Variants in CHLSN observed in about 807,000 individuals in gnomAD.
CHLSN encodes the protein cholesin.
the CHLSN span, among the ~76,000 whole-genome samples, chr7:1,113,776 G>A: frequency 6.6e-6 from 1 of 152,134 alleles, no homozygotes; most frequent in Admixed American, 6.5e-5. Context: ...TCCTACCCGC[G>A]GGTGCCAGCT....
At chr7:1,022,682 CAG>C in the CHLSN span, among the ~76,000 whole-genome samples, 1 of 152,136 alleles carries the variant, frequency 6.6e-6, no homozygotes, top group African/African-American at 2.4e-5. Flanking sequence ...CAGAAACACA[CAG>C]GGGATTAATT....
At chr7:1,008,803 T>C in the CHLSN span, among the ~76,000 whole-genome samples, 2 of 132,530 alleles carry the variant, frequency 1.5e-5, no homozygotes, top group Non-Finnish European at 3.2e-5. Context: ...CACACGTGTA[T>C]ACATGTACAC....
chr7:1,040,966 CAG>C, the CHLSN span, among the ~76,000 whole-genome samples: 1 of 152,274 alleles, frequency 6.6e-6, no homozygotes, highest in East Asian at 1.9e-4. Context: ...CTCCAGCTGA[CAG>C]TGCCTCCCGG....
At chr7:1,080,988 C>T in the CHLSN span, 1 of 152,618 alleles carries the variant, frequency 6.6e-6, no homozygotes, top group Non-Finnish European at 1.5e-5. Flanking sequence ...GTGGGAAGAA[C>T]AGGAAGGCCG....
At chr7:1,028,756 G>T in the CHLSN span, 2 of 800,634 alleles carry the variant, frequency 2.5e-6, no homozygotes, top group Non-Finnish European at 2.9e-6. Flanking sequence ...CCCCCAGTCT[G>T]TCCCCATCTC....
the CHLSN span, among the ~76,000 whole-genome samples, chr7:1,018,286 T>C: frequency 4.0e-5 from 6 of 151,860 alleles, no homozygotes; most frequent in African/African-American, 1.4e-4. Flanking sequence ...GTAACCCATA[T>C]AAAAAGTGAC....
the CHLSN span, among the ~76,000 whole-genome samples, chr7:1,084,156 A>G: frequency 6.6e-6 from 1 of 152,220 alleles, no homozygotes; most frequent in Non-Finnish European, 1.5e-5. Flanking sequence ...CGCACACCCC[A>G]CACACAGCTT....
the CHLSN span, among the ~76,000 whole-genome samples, chr7:1,050,810 C>T: frequency 6.6e-6 from 1 of 152,170 alleles, no homozygotes; most frequent in Non-Finnish European, 1.5e-5. Context: ...ACGGGCACAC[C>T]GGAAACAGCG....
the CHLSN span, among the ~76,000 whole-genome samples, chr7:1,038,351 G>A: frequency 1.0e-5 from 1 of 98,628 alleles, no homozygotes; most frequent in South Asian, 3.5e-4. Flanking sequence ...CGGGAGGTGA[G>A]GGGTGCCTCT....
the CHLSN span, chr7:1,056,927 A>G: frequency 6.5e-6 from 1 of 152,906 alleles, no homozygotes; most frequent in African/African-American, 2.4e-5. Context: ...GTTCTCATTC[A>G]GTGACGTCAA....
At chr7:1,126,013 G>C in the CHLSN span, among the ~76,000 whole-genome samples, 2 of 152,112 alleles carry the variant, frequency 1.3e-5, no homozygotes, top group African/African-American at 2.4e-5. Flanking sequence ...AAATGTATAT[G>C]CATCTTTTTG....
chr7:990,417 C>T, the CHLSN span, among the ~76,000 whole-genome samples: 4 of 151,920 alleles, frequency 2.6e-5, no homozygotes, highest in Admixed American at 1.3e-4. Context: ...CTGTCTGAGA[C>T]GGCCCTGGCC....
the CHLSN span, among the ~76,000 whole-genome samples, chr7:1,005,995 TC>T: frequency 2.6e-5 from 4 of 152,350 alleles, no homozygotes; most frequent in South Asian, 4.1e-4. Context: ...CGTGTTCTTT[TC>T]TTTTTTCAGT....
At chr7:1,077,124 G>A in the CHLSN span, among the ~76,000 whole-genome samples, 2 of 152,194 alleles carry the variant, frequency 1.3e-5, no homozygotes, top group African/African-American at 2.4e-5. Flanking sequence ...ACTTTTCCCT[G>A]GTATTCTTGG....
the CHLSN span, among the ~76,000 whole-genome samples, chr7:1,121,848 TGCTGCACCCACCC>T: frequency 6.6e-6 from 1 of 151,648 alleles, no homozygotes; most frequent in Non-Finnish European, 1.5e-5. Flanking sequence ...CAGGGCAGCG[TGCTGCACCCACCC>T]ACTGCACTCA....
At chr7:987,875 A>C in the CHLSN span, among the ~76,000 whole-genome samples, 1 of 111,010 alleles carries the variant, frequency 9.0e-6, no homozygotes, top group Non-Finnish European at 1.8e-5. Flanking sequence ...TGTCCTGGGG[A>C]TCCCCTGTGT....
chr7:1,106,399 G>C, the CHLSN span, among the ~76,000 whole-genome samples: 1 of 152,188 alleles, frequency 6.6e-6, no homozygotes, highest in South Asian at 2.1e-4. Context: ...GGTGCCGTGT[G>C]GGGGAGAGGA....
At chr7:1,042,431 G>C in the CHLSN span, among the ~76,000 whole-genome samples, 1 of 151,950 alleles carries the variant, frequency 6.6e-6, no homozygotes, top group Admixed American at 6.5e-5. Context: ...CCCACCAACT[G>C]AGTCTTGTAC....
chr7:1,057,159 C>T, the CHLSN span, among the ~76,000 whole-genome samples: 4 of 152,064 alleles, frequency 2.6e-5, no homozygotes, highest in African/African-American at 7.2e-5. Flanking sequence ...AATCACTGTG[C>T]GGGGCCCGTC....
Sources: gnomAD v4.1 joint callset for allele counts (sites outside exome capture counted in the v4.1 genomes callset) on GRCh38, gnomAD v4.1.1 for gene constraint, MANE v1.5 for transcripts, NCBI Gene and HGNC (gene_info 2026-07-23, HGNC 2026-07-21) for gene names.